TMEM135: variants seen among roughly 807,000 people sequenced by gnomAD.
TMEM135 encodes peroxisomal membrane protein 52.
Under a neutral mutation model 60.3 loss-of-function variants are expected in TMEM135, and 30 were observed. The observed-to-expected ratio is 0.50, with a 90% confidence interval of 0.37 to 0.68. The LOEUF is 0.68. Among genes scored for constraint, TMEM135 ranks in the 30% least tolerant of loss-of-function variants. The pLI, the probability that TMEM135 is intolerant of heterozygous loss-of-function variation, is 0.00. For synonymous variants in TMEM135, 190 were observed against 186.7 expected (o/e 1.02, Z -0.14); for missense variants, 468 against 548.8 (o/e 0.85, Z 1.47).
rs192013982 is a variant in TMEM135 at position 87,058,391 on chromosome 11, G to A, written c.142-9303G>A. ...GTCACTCAGGCTGGAGTGCAGTGGCGTGATCTTGGCTTGCTGCAACCTCTG... is the reference window on the plus strand; with the variant it reads ...GTCACTCAGGCTGGAGTGCAGTGGCATGATCTTGGCTTGCTGCAACCTCTG... On this transcript the variant is annotated intron_variant, in intron 1 of 14. Transcript: ENST00000305494. Among the ~76,000 whole-genome samples, 72 of 151,976 alleles carry A rather than the reference G, an allele frequency of 4.7e-4. No individual in the cohort carries two copies. In the Middle Eastern group the frequency reaches 0.014, roughly 29 times the overall value.
At chr11:87,171,205 T>G (rs1454403372) in intron 5 of TMEM135, among the ~76,000 whole-genome samples, 1 of 152,162 alleles carries the variant, frequency 6.6e-6, no homozygotes, top group Admixed American at 6.5e-5. Context: ...AAGTAACATT[T>G]GTTGAATGCC....
At chr11:87,157,319 GT>G (rs59532014) in intron 4 of TMEM135, 21 bp from the exon 5 acceptor site, 376,313 of 1,192,522 alleles carry the variant, frequency 0.32, 27,232 homozygotes, top group East Asian at 0.56. Flanking sequence ...TATTTTTGCT[GT>G]TTTTTTTTTT....
intron 5 of TMEM135, among the ~76,000 whole-genome samples, chr11:87,203,032 C>CAAAA (rs534909524): frequency 1.5e-4 from 5 of 33,560 alleles, no homozygotes; most frequent in Non-Finnish European, 1.9e-4. Context: ...GACTCCGTCT[C>CAAAA]AAAAAAAAAA....
intron 4 of TMEM135, among the ~76,000 whole-genome samples, chr11:87,119,501 G>T (rs1022549774): frequency 5.3e-5 from 8 of 152,210 alleles, no homozygotes; most frequent in Non-Finnish European, 1.0e-4. Context: ...CCAGGAGTTT[G>T]CCACCAGCCT....
chr11:87,302,577 A>T lies in TMEM135; in HGVS notation c.698+135A>T, dbSNP rs183238777. On this transcript the variant is annotated intron_variant, in intron 8 of 14. Transcript: ENST00000305494. ...CACCAGAAACTGTGCATAGAATTTTATAAAAGGCACACAATGGCAAGTGAA... is the reference window on the plus strand; with the variant it reads ...CACCAGAAACTGTGCATAGAATTTTTTAAAAGGCACACAATGGCAAGTGAA... 5.3e-4 allele frequency: 589 copies of T among 1,115,568 alleles called. 3 individuals carry two copies. In the African/African-American group the frequency reaches 8.1e-3, roughly 15 times the overall value. The allele number at this position is 1,115,568 out of a possible 1,614,324, so 69.1% of individuals were successfully genotyped here.
At chr11:87,241,602 T>A (rs1381721128) in intron 6 of TMEM135, among the ~76,000 whole-genome samples, 1 of 152,084 alleles carries the variant, frequency 6.6e-6, no homozygotes, top group Non-Finnish European at 1.5e-5. Context: ...GTTCTTATTC[T>A]TTGTATCTAA....
At chr11:87,274,183 G>C (rs939051749) in intron 6 of TMEM135, among the ~76,000 whole-genome samples, 1 of 152,078 alleles carries the variant, frequency 6.6e-6, no homozygotes, top group Non-Finnish European at 1.5e-5. Flanking sequence ...AGGTCTGAAG[G>C]CTGCTGAACA....
chr11:87,141,011 G>A (rs972378035), intron 4 of TMEM135, among the ~76,000 whole-genome samples: 7 of 148,824 alleles, frequency 4.7e-5, no homozygotes, highest in Admixed American at 2.7e-4. Flanking sequence ...AATCTTTATA[G>A]TAAGTCTTGA....
intron 1 of TMEM135, among the ~76,000 whole-genome samples, chr11:87,046,348 C>A (rs1468481252): frequency 1.3e-5 from 2 of 151,356 alleles, no homozygotes; most frequent in East Asian, 3.9e-4. Flanking sequence ...CTCAGCTCCC[C>A]AGCCTGGGAG....
At chr11:87,306,104 C>T (rs1215002026) in intron 9 of TMEM135, 99 bp downstream of exon 9, 13 of 693,336 alleles carry the variant, frequency 1.9e-5, no homozygotes, top group Non-Finnish European at 2.8e-5. Flanking sequence ...GAAAAGTTGA[C>T]ATTAATAAAT....
intron 4 of TMEM135, among the ~76,000 whole-genome samples, chr11:87,124,041 A>G (rs935127704): frequency 6.6e-6 from 1 of 152,196 alleles, no homozygotes; most frequent in Non-Finnish European, 1.5e-5. Flanking sequence ...TCTGTGTGTA[A>G]TGACTTAACA....
At chr11:87,113,095 T>C (rs1396510646) in intron 4 of TMEM135, among the ~76,000 whole-genome samples, 2 of 152,066 alleles carry the variant, frequency 1.3e-5, no homozygotes, top group African/African-American at 4.8e-5. Flanking sequence ...TTAGAATATG[T>C]CTCTAAGGCA....
intron 7 of TMEM135, among the ~76,000 whole-genome samples, chr11:87,300,772 G>A (rs952702847): frequency 2.0e-5 from 3 of 152,180 alleles, no homozygotes; most frequent in South Asian, 2.1e-4. Flanking sequence ...TTGAGTAGGG[G>A]ATGTAGTCTA....
At chr11:87,314,767 C>T (rs1374199573) in intron 12 of TMEM135, among the ~76,000 whole-genome samples, 2 of 151,818 alleles carry the variant, frequency 1.3e-5, no homozygotes, top group Non-Finnish European at 3.0e-5. Flanking sequence ...ATGCACCCAT[C>T]ATGCAGCTTC....
intron 1 of TMEM135, 89 bp downstream of exon 1, chr11:87,038,275 A>T (rs1949721067): frequency 7.2e-7 from 1 of 1,395,506 alleles, no homozygotes; most frequent in South Asian, 1.2e-5. Context: ...GCTCTGGGGG[A>T]CTTGCCTTGT....
chr11:87,120,477 T>TTTTTTC (rs1858024911), intron 4 of TMEM135, among the ~76,000 whole-genome samples: 1 of 143,286 alleles, frequency 7.0e-6, no homozygotes, highest in Non-Finnish European at 1.5e-5. Context: ...AATTTCTTTT[T>TTTTTTC]TTTTTTTTTT....
At chr11:87,314,694 C>T in intron 12 of TMEM135, 147 bp downstream of exon 12, 2 of 678,628 alleles carry the variant, frequency 2.9e-6, no homozygotes, top group Non-Finnish European at 5.2e-6. Flanking sequence ...CTGTGTTTTT[C>T]TTTGTGTGTG....
At chr11:87,069,284 CAAA>C (rs778885228) in intron 2 of TMEM135, among the ~76,000 whole-genome samples, 4 of 62,550 alleles carry the variant, frequency 6.4e-5, no homozygotes, top group Non-Finnish European at 1.2e-4. Context: ...GACTCCGTCT[CAAA>C]AAAAAAAAAA....
intron 6 of TMEM135, among the ~76,000 whole-genome samples, chr11:87,254,725 G>A (rs1941486742): frequency 6.6e-6 from 1 of 152,136 alleles, no homozygotes; most frequent in South Asian, 2.1e-4. Context: ...AAAGGACTGG[G>A]AATTATCCAG....
Sources: allele counts gnomAD v4.1 joint callset (sites outside exome capture counted in the v4.1 genomes callset), GRCh38; gene constraint gnomAD v4.1.1; transcripts MANE v1.5; gene names NCBI Gene and HGNC (gene_info 2026-07-23, HGNC 2026-07-21).